The following CFAP70 variants were observed in gnomAD, a reference collection of about 807,000 sequenced individuals.
The protein encoded by CFAP70 is cilia and flagella associated protein 70.
In CFAP70, 81 loss-of-function variants were observed where a neutral mutation model predicts 137.6. The ratio of observed to expected loss-of-function variants is 0.59; its 90% CI spans 0.49 to 0.71. The LOEUF is 0.71. CFAP70 is among the 30% of genes least tolerant of loss of function. The pLI is 0.00. For synonymous variants in CFAP70, 382 were observed against 423.6 expected, an observed-to-expected ratio of 0.90 and a Z score of 1.20; for missense variants, 976 against 1,226.7, an observed-to-expected ratio of 0.80 and a Z score of 3.05.
intron 3 of CFAP70, among the ~76,000 whole-genome samples, chr10:73,352,360 T>C (rs1360182798): frequency 1.3e-5 from 2 of 152,196 alleles, no homozygotes; most frequent in Non-Finnish European, 2.9e-5. Context: ...GTTTTTTTCC[T>C]ACGGTGTTTG....
chr10:73,326,697 T>C (rs1006621760), intron 8 of CFAP70, among the ~76,000 whole-genome samples: 1 of 152,002 alleles, frequency 6.6e-6, no homozygotes. Context: ...CATCAGAGAA[T>C]AGGATGAACA....
At chr10:73,326,526 C>CA (rs1253990287) in intron 8 of CFAP70, among the ~76,000 whole-genome samples, 1 of 148,304 alleles carries the variant, frequency 6.7e-6, no homozygotes, top group African/African-American at 2.5e-5. Flanking sequence ...AAAAACCCTT[C>CA]AAAAAATTAA....
intron 25 of CFAP70, among the ~76,000 whole-genome samples, chr10:73,268,217 T>C (rs1048161336): frequency 1.3e-5 from 2 of 152,346 alleles, no homozygotes; most frequent in East Asian, 1.9e-4. Context: ...GATTTCATAT[T>C]TGAAGTGTCA....
rs765892315 is a variant in CFAP70 at position 73,278,230 on chromosome 10, T to C, written c.2347A>G (p.Ile783Val). 12 of 1,613,922 alleles carry C rather than the reference T, an allele frequency of 7.4e-6. No individual in the cohort carries two copies. The East Asian group carries it at 2.2e-4, about 30-fold the overall frequency. Reference sequence around the variant, plus strand: ...AATGTGTTAGATGGTTTTTGGCTTATACTTGGATCCCAAGTTTGTGTAGTC... The same window carrying C: ...AATGTGTTAGATGGTTTTTGGCTTACACTTGGATCCCAAGTTTGTGTAGTC... Residue 783 changes from isoleucine (I) to valine (V), a missense_variant, in exon 20 of 27, where the codon ATA (isoleucine) becomes GTA (valine). Physicochemically the swap from Ile to Val is conservative, Grantham distance 29. Coordinates refer to ENST00000310715, the Ensembl canonical transcript of CFAP70.
intron 15 of CFAP70, chr10:73,296,068 CT>C (rs749739629): frequency 4.6e-5 from 7 of 152,200 alleles, no homozygotes; most frequent in Non-Finnish European, 1.0e-4. Context: ...TTAACTTAAA[CT>C]TTTTCCTCCT....
upstream of CFAP70, among the ~76,000 whole-genome samples, chr10:73,361,483 A>C (rs2055007479): frequency 6.6e-6 from 1 of 151,904 alleles, no homozygotes; most frequent in African/African-American, 2.4e-5. Flanking sequence ...TCTGTTTGAA[A>C]GGCATTCTTT....
At chr10:73,328,672 G>C (rs1340688676) in intron 8 of CFAP70, among the ~76,000 whole-genome samples, 1 of 142,820 alleles carries the variant, frequency 7.0e-6, no homozygotes, top group African/African-American at 2.6e-5. Context: ...ATCAAAAAGT[G>C]GGCGAAGGAC....
chr10:73,357,234 C>T (rs985589099), intron 1 of CFAP70, among the ~76,000 whole-genome samples: 1 of 152,170 alleles, frequency 6.6e-6, no homozygotes, highest in African/African-American at 2.4e-5. Context: ...ATTCTTAAAT[C>T]TCTATTTGAT....
At chr10:73,352,919 C>A in intron 3 of CFAP70, among the ~76,000 whole-genome samples, 1 of 151,902 alleles carries the variant, frequency 6.6e-6, no homozygotes, top group East Asian at 1.9e-4. Context: ...TTTAAATTTC[C>A]AAATAGCTTT....
chr10:73,343,511 C>T (rs2053452793), intron 5 of CFAP70, among the ~76,000 whole-genome samples: 1 of 152,092 alleles, frequency 6.6e-6, no homozygotes, highest in Non-Finnish European at 1.5e-5. Flanking sequence ...GAGTTCAAGA[C>T]CAGCCTGGCC....
chr10:73,312,577 C>T, exon 10 of CFAP70: 2 of 1,611,436 alleles, frequency 1.2e-6, no homozygotes, highest in Middle Eastern at 1.7e-4. Context: ...GAATTAATTC[C>T]TCCTATTTTA....
chr10:73,293,255 T>G lies in CFAP70; in HGVS notation c.1770+8A>C, dbSNP rs1173799187. The G allele has an allele frequency of 6.3e-7, 1 of 1,597,274 alleles. No individual in the cohort carries two copies. The highest frequency in any genetic ancestry group is 8.5e-7 in the Non-Finnish European group (1 of 1,174,380). On this transcript the variant is annotated splice_region_variant and intron_variant, in intron 16 of 26. Coordinates refer to ENST00000310715, the Ensembl canonical transcript of CFAP70. ...ATAGTAACAATCACTGGGAAGATGT[T>G]TAATTACCTCTTTATAATATGCTGC... is the stretch of plus-strand genomic sequence containing the variant.
At chr10:73,253,945 C>A in exon 27 of CFAP70, 1 of 1,562,960 alleles carries the variant, frequency 6.4e-7, no homozygotes, top group Non-Finnish European at 8.8e-7. Context: ...CTCAGAGTCC[C>A]ATGCAGAAAA....
At chr10:73,312,774 T>A (rs2050024337) in intron 9 of CFAP70, 131 bp from the exon 11 acceptor site, 1 of 782,114 alleles carries the variant, frequency 1.3e-6, no homozygotes, top group Non-Finnish European at 2.0e-6. Context: ...GAGAAGGGAC[T>A]TGAAAGACTT....
At chr10:73,273,794 C>A (rs75021599) in intron 23 of CFAP70, among the ~76,000 whole-genome samples, 1 of 151,982 alleles carries the variant, frequency 6.6e-6, no homozygotes, top group Non-Finnish European at 1.5e-5. Flanking sequence ...GGTGTTCTGA[C>A]GGGAAAAATA....
chr10:73,336,580 C>CTTTTT (rs58611619), intron 6 of CFAP70, among the ~76,000 whole-genome samples: 2 of 124,244 alleles, frequency 1.6e-5, no homozygotes, highest in East Asian at 2.5e-4. Context: ...TACTATTTTC[C>CTTTTT]TTTTTTTTTT....
At chr10:73,286,363 G>A (rs1485815858) in intron 19 of CFAP70, among the ~76,000 whole-genome samples, 1 of 152,086 alleles carries the variant, frequency 6.6e-6, no homozygotes, top group African/African-American at 2.4e-5. Context: ...AGAATGGCGT[G>A]AACCCGGGAG....
chr10:73,254,647 G>C (rs907702616), intron 26 of CFAP70, among the ~76,000 whole-genome samples: 1 of 152,236 alleles, frequency 6.6e-6, no homozygotes, highest in African/African-American at 2.4e-5. Context: ...GTAAACTAAA[G>C]TCATTGGGTA....
intron 9 of CFAP70, among the ~76,000 whole-genome samples, chr10:73,313,775 G>C (rs1437178131): frequency 6.6e-6 from 1 of 152,128 alleles, no homozygotes; most frequent in African/African-American, 2.4e-5. Flanking sequence ...CCTGGGAGGC[G>C]GAGGTTGCAG....
Sources: allele counts gnomAD v4.1 joint callset (sites outside exome capture counted in the v4.1 genomes callset), GRCh38; gene constraint gnomAD v4.1.1; transcripts MANE v1.5; gene names NCBI Gene and HGNC (gene_info 2026-07-23, HGNC 2026-07-21).